Variants in FHDC1 observed in about 807,000 individuals in gnomAD.
FHDC1 encodes FH2 domain-containing protein 1.
A neutral mutation model predicts 52.6 loss-of-function variants in FHDC1; 25 were observed. That is an observed-to-expected ratio of 0.48 (90% CI 0.35 to 0.66). FHDC1 has a LOEUF of 0.66. Among genes scored for constraint, FHDC1 ranks in the 30% least tolerant of loss-of-function variants. The pLI, the probability that FHDC1 is intolerant of heterozygous loss-of-function variation, is 0.01. For synonymous variants in FHDC1, 616 were observed against 581.5 expected (o/e 1.06, Z -0.85); for missense variants, 1,459 against 1,452.8 (o/e 1.00, Z -0.07).
At chr4:152,921,969 T>C in the FHDC1 span, among the ~76,000 whole-genome samples, 21 of 152,014 alleles carry the variant, frequency 1.4e-4, no homozygotes, top group East Asian at 4.1e-3. Context: ...AGAGCAAACA[T>C]ATTCAAAAGC....
chr4:152,963,310 A>G (rs530240753), intron 8 of FHDC1, among the ~76,000 whole-genome samples, 180 bp downstream of exon 8: 19 of 152,280 alleles, frequency 1.2e-4, no homozygotes, highest in African/African-American at 4.1e-4. Flanking sequence ...ACCCAGGGCT[A>G]TAGGGCTGAA....
rs149351713 is a variant in FHDC1 at position 152,948,524 on chromosome 4, G to C, written c.498+4969G>C. Among the ~76,000 whole-genome samples the C allele has an allele frequency of 5.2e-3, 789 of 152,262 alleles. 6 individuals carry two copies. The highest frequency in any genetic ancestry group is 0.018 in the African/African-American group (736 of 41,538). On this transcript the variant is annotated intron_variant, in intron 2 of 11. Transcript: ENST00000511601. ...GCTGGAGTGCAGTGGCATGATCTCA[G>C]CTCACTGCAACCTCCACCTCCTGGT... is the stretch of plus-strand genomic sequence containing the variant.
In FHDC1 at chr4:152,975,612, C is replaced by T. The variant is rs763861475; in HGVS notation, c.2321C>T (p.Ser774Leu). The change falls in exon 12 of 12, where the codon TCG becomes TTG. Residue 774 changes from serine (S) to leucine (L), a missense_variant. Ser to Leu is a moderately radical substitution (Grantham distance 145). This residue lies in a region of FHDC1 where 939 missense variants were observed against 854.5 expected (regional missense o/e 1.10). Transcript: ENST00000511601. ...NKDPRPLFCI[S>L]DTTDCSLTLD... is the part of the protein sequence containing the mutation. ...GATCCTAGACCTCTGTTCTGCATCTCGGACACCACCGACTGCTCACTGACC... is the reference window on the plus strand; with the variant it reads ...GATCCTAGACCTCTGTTCTGCATCTTGGACACCACCGACTGCTCACTGACC... 2.1e-5 allele frequency: 34 copies of T among 1,613,602 alleles called. No homozygotes were observed. The highest frequency in any genetic ancestry group is 2.7e-5 in the Non-Finnish European group (32 of 1,180,030).
At chr4:152,943,577 C>T in intron 2 of FHDC1, 22 bp downstream of exon 2, 4 of 1,595,712 alleles carry the variant, frequency 2.5e-6, no homozygotes, top group Non-Finnish European at 3.4e-6. Context: ...AGGTGGAGGG[C>T]TAATCCTCCA....
chr4:152,922,986 T>C, the FHDC1 span, among the ~76,000 whole-genome samples: 5 of 152,150 alleles, frequency 3.3e-5, no homozygotes, highest in African/African-American at 1.2e-4. Context: ...CTATTCAACA[T>C]AGTGTTGGAA....
rs191004080 is a variant in FHDC1 at position 152,960,719 on chromosome 4, A to G, written c.750-25A>G. 1,088 of 1,611,520 alleles carry G rather than the reference A, an allele frequency of 6.8e-4. 4 individuals carry two copies. The highest frequency in any genetic ancestry group is 5.0e-3 in the Middle Eastern group (30 of 6,060). On this transcript the variant is annotated intron_variant, in intron 5 of 11. Transcript: ENST00000511601. ...TTTTAAACTAATGACATCAAATTCTACAGTTTTACTTTTTTATTTTTCAGC... is the reference window on the plus strand; with the variant it reads ...TTTTAAACTAATGACATCAAATTCTGCAGTTTTACTTTTTTATTTTTCAGC...
chr4:152,957,306 G>GT (rs1179671322), intron 4 of FHDC1, among the ~76,000 whole-genome samples: 1 of 152,172 alleles, frequency 6.6e-6, no homozygotes, highest in Non-Finnish European at 1.5e-5. Flanking sequence ...ACTGAGCCTA[G>GT]TGCCTGGCAC....
the FHDC1 span, chr4:152,928,116 C>CT: frequency 3.8e-6 from 4 of 1,046,380 alleles, no homozygotes; most frequent in Middle Eastern, 2.0e-4. Context: ...AGCAGCAACT[C>CT]TGAGTCCAGC....
intron 4 of FHDC1, among the ~76,000 whole-genome samples, chr4:152,957,534 T>A (rs1368519369): frequency 1.3e-5 from 2 of 152,198 alleles, no homozygotes; most frequent in African/African-American, 4.8e-5. Flanking sequence ...TGCACTCCAC[T>A]GCCTGCCTTG....
intron 4 of FHDC1, 105 bp from the exon 5 acceptor site, chr4:152,960,460 A>G: frequency 2.0e-6 from 2 of 977,572 alleles, no homozygotes; most frequent in Non-Finnish European, 1.6e-6. Flanking sequence ...TGAATTTAGC[A>G]CTAAAATCCT....
the FHDC1 span, among the ~76,000 whole-genome samples, chr4:152,914,047 A>G: frequency 6.6e-6 from 1 of 152,162 alleles, no homozygotes; most frequent in Non-Finnish European, 1.5e-5. Context: ...TTAAGACTAC[A>G]AATTTTTACA....
At chr4:152,951,280 T>A (rs1432820949) in intron 2 of FHDC1, among the ~76,000 whole-genome samples, 1 of 152,206 alleles carries the variant, frequency 6.6e-6, no homozygotes, top group Non-Finnish European at 1.5e-5. Context: ...CAGTTTTCTG[T>A]CTTAATAAAT....
At chr4:152,937,718 G>T (rs916433069) in intron 1 of FHDC1, among the ~76,000 whole-genome samples, 1 of 151,896 alleles carries the variant, frequency 6.6e-6, no homozygotes, top group Non-Finnish European at 1.5e-5. Context: ...AGCGCGCACC[G>T]GCGCCCCACC....
At chr4:152,964,870 C>G (rs756499642) in intron 8 of FHDC1, 35 bp from the exon 9 acceptor site, 5 of 1,544,280 alleles carry the variant, frequency 3.2e-6, no homozygotes, top group Non-Finnish European at 4.4e-6. Context: ...CCAGTTTTAT[C>G]AACATAGTGA....
At chr4:152,922,171 G>T in the FHDC1 span, among the ~76,000 whole-genome samples, 3 of 151,948 alleles carry the variant, frequency 2.0e-5, no homozygotes, top group Non-Finnish European at 4.4e-5. Context: ...ATGATAAAGG[G>T]GATATCACCA....
At position 152,974,887 on chromosome 4, in the gene FHDC1, G is replaced by A. The variant is rs547233763; in HGVS notation, c.1596G>A (p.Arg532=). The change falls in exon 12 of 12, where the codon CGG becomes CGA. Residue 532 remains arginine (R), a synonymous_variant. Coordinates refer to ENST00000511601, the MANE Select transcript of FHDC1 (RefSeq NM_001371116.1). ...TCAGCCCCTCCAGCCCCTCCTACCG[G>A]CCCCCGAACACCCGCCGCTCCCGCC... ...RPISPSSPSY[R]PPNTRRSRLS... 6.9e-6 allele frequency: 11 copies of A among 1,596,652 alleles called. No homozygotes were observed. Among genetic ancestry groups the A allele is most frequent in the African/African-American group, 1.3e-5 (1 of 74,578 alleles).
At position 152,976,234 on chromosome 4, in the gene FHDC1, C is replaced by G. The variant is rs749594434; in HGVS notation, c.2943C>G (p.Phe981Leu). 1.9e-6 allele frequency: 3 copies of G among 1,613,180 alleles called. No homozygotes were observed. The highest frequency in any genetic ancestry group is 4.5e-5 in the East Asian group (2 of 44,852). ...RDVPLQPRGS[F>L]KKPSAKPLRN... ...TTCCCCTGCAGCCCAGGGGTTCTTT[C>G]AAGAAGCCCAGTGCCAAACCACTCA... Residue 981 changes from phenylalanine (F) to leucine (L), a missense_variant, in exon 12 of 12, where the codon TTC (phenylalanine) becomes TTG (leucine). Physicochemically the swap from Phe to Leu is conservative, Grantham distance 22. Around this residue, in one of 3 missense-constraint regions of FHDC1, gnomAD observed 939 missense variants for 854.5 expected, o/e 1.10. Coordinates refer to ENST00000511601, the MANE Select transcript of FHDC1 (RefSeq NM_001371116.1).
At chr4:152,928,398 C>T in the FHDC1 span, among the ~76,000 whole-genome samples, 2 of 152,188 alleles carry the variant, frequency 1.3e-5, no homozygotes, top group African/African-American at 4.8e-5. Context: ...TTTGGTTTCT[C>T]GTTCTACTCC....
chr4:152,972,801 C>T (rs1313397855), intron 11 of FHDC1, among the ~76,000 whole-genome samples: 1 of 152,244 alleles, frequency 6.6e-6, no homozygotes, highest in Non-Finnish European at 1.5e-5. Context: ...CTGACACTCA[C>T]ATTAATGCCT....
Sources: allele counts gnomAD v4.1 joint callset (sites outside exome capture counted in the v4.1 genomes callset), GRCh38; gene constraint gnomAD v4.1.1; regional missense constraint gnomAD v4.1.1; transcripts MANE v1.5; gene names NCBI Gene and HGNC (gene_info 2026-07-23, HGNC 2026-07-21).